The following DCDC1 variants were observed in gnomAD, a reference collection of about 807,000 sequenced individuals.
DCDC1 encodes doublecortin domain-containing protein 1.
In DCDC1, 200 loss-of-function variants were observed where a neutral mutation model predicts 178.3. The observed-to-expected ratio is 1.12, with a 90% CI of 1.00 to 1.26. DCDC1 has a LOEUF of 1.26. Among genes scored for constraint, DCDC1 ranks in the 50% most tolerant of loss-of-function variants. The pLI, the probability that DCDC1 is intolerant of heterozygous loss-of-function variation, is 0.00. For synonymous variants in DCDC1, 690 were observed against 604.8 expected (o/e 1.14, Z -2.07); for missense variants, 1,983 against 1,749.2 (o/e 1.13, Z -2.38).
chr11:31,113,164 A>T lies in DCDC1; in HGVS notation c.1486-2803T>A, dbSNP rs562263528. Among the ~76,000 whole-genome samples the T allele has an allele frequency of 3.3e-5, 5 of 152,330 alleles. No individual in the cohort carries two copies. In the East Asian group the frequency reaches 9.6e-4, roughly 29 times the overall value. On this transcript the variant is annotated intron_variant, in intron 11 of 38. Transcript: ENST00000684477. ...ACTTACACAGATTAAAAAAGCTGAC[A>T]CGTAGCAAAAACATTAAAAATTCAG...
At chr11:31,005,737 T>C (rs561091931) in intron 20 of DCDC1, among the ~76,000 whole-genome samples, 52 of 152,054 alleles carry the variant, frequency 3.4e-4, no homozygotes, top group Non-Finnish European at 6.3e-4. Context: ...CATCAGCCAA[T>C]GACAGTTTAT....
At chr11:30,899,679 T>C (rs1944514052) in intron 33 of DCDC1, 37 bp from the exon 34 acceptor site, 2 of 1,391,658 alleles carry the variant, frequency 1.4e-6, no homozygotes, top group Admixed American at 2.7e-5. Context: ...TTATCAACAG[T>C]AATTTATCAC....
chr11:31,029,670 C>T (rs1953489416), intron 20 of DCDC1, among the ~76,000 whole-genome samples: 1 of 152,054 alleles, frequency 6.6e-6, no homozygotes, highest in Admixed American at 6.6e-5. Context: ...TCTGTATTCA[C>T]ATCAAATCAA....
chr11:31,353,667 C>G (rs1407514196), intron 1 of DCDC1, among the ~76,000 whole-genome samples: 1 of 152,162 alleles, frequency 6.6e-6, no homozygotes, highest in East Asian at 1.9e-4. Flanking sequence ...TACTTCAAGT[C>G]TGATGTTCGA....
At chr11:31,087,817 T>C (rs1957571902) in intron 17 of DCDC1, among the ~76,000 whole-genome samples, 1 of 152,182 alleles carries the variant, frequency 6.6e-6, no homozygotes, top group Admixed American at 6.5e-5. Context: ...TGCATTTTTC[T>C]ATAAATATCA....
At position 31,090,896 on chromosome 11, in the gene DCDC1, C is replaced by T. The variant is rs144209808; in HGVS notation, c.2237+497G>A. ...TTTGAGACTCTTGGAGATAAATCAA[C>T]TTTCTTCCTCAATCTGCTTTCCTTT... On this transcript the variant is annotated intron_variant, in intron 17 of 38. Coordinates refer to ENST00000684477, the MANE Select transcript of DCDC1 (RefSeq NM_001387274.1). Among the ~76,000 whole-genome samples the T allele has an allele frequency of 2.6e-3, 390 of 152,162 alleles. 1 individual carries two copies. The highest frequency in any genetic ancestry group is 8.9e-3 in the African/African-American group (370 of 41,510).
At chr11:31,327,332 C>A (rs1375970762) in intron 3 of DCDC1, among the ~76,000 whole-genome samples, 1 of 151,942 alleles carries the variant, frequency 6.6e-6, no homozygotes, top group African/African-American at 2.4e-5. Context: ...CCAAGCCCTG[C>A]TAATTTTTTG....
intron 38 of DCDC1, among the ~76,000 whole-genome samples, chr11:30,873,811 A>G (rs549931375): frequency 1.3e-5 from 2 of 152,276 alleles, no homozygotes; most frequent in South Asian, 2.1e-4. Flanking sequence ...CCCACCCTCA[A>G]AAGTACTCCG....
intron 9 of DCDC1, among the ~76,000 whole-genome samples, chr11:31,231,202 A>G (rs547378029): frequency 6.6e-6 from 1 of 152,150 alleles, no homozygotes; most frequent in Admixed American, 6.5e-5. Context: ...GGCTTAAGCA[A>G]TCCCCCTGCC....
intron 28 of DCDC1, among the ~76,000 whole-genome samples, chr11:30,910,778 C>T (rs922647039): frequency 3.9e-5 from 6 of 152,150 alleles, no homozygotes; most frequent in Non-Finnish European, 7.4e-5. Context: ...AGCCAGACTT[C>T]TCTGGAGTCT....
intron 17 of DCDC1, among the ~76,000 whole-genome samples, chr11:31,083,341 G>T (rs1346560345): frequency 2.0e-5 from 3 of 152,118 alleles, no homozygotes. Context: ...TTTAAGAAAC[G>T]TACAGACTAA....
rs774054415 is a variant in DCDC1, at chr11:30,909,136, A to G, written c.3748-20T>C. The G allele has an allele frequency of 6.3e-7, 1 of 1,595,436 alleles. No homozygotes were observed. Among genetic ancestry groups the G allele is most frequent in the East Asian group, 2.3e-5 (1 of 44,444 alleles). ...ATATTTCTGAAAAAAGAGGCAAAAT[A>G]TGGAGTCAAGTGAGTTCATGTGAGG... On this transcript the variant is annotated intron_variant, in intron 28 of 38. Coordinates refer to ENST00000684477, the MANE Select transcript of DCDC1 (RefSeq NM_001387274.1).
intron 1 of DCDC1, among the ~76,000 whole-genome samples, chr11:31,365,981 T>G (rs1306157544): frequency 6.9e-6 from 1 of 145,628 alleles, no homozygotes; most frequent in Non-Finnish European, 1.6e-5. Context: ...ATATATCAAA[T>G]GTGCAACAAA....
chr11:30,953,189 GA>G (rs1430859339), intron 20 of DCDC1, among the ~76,000 whole-genome samples: 1 of 150,096 alleles, frequency 6.7e-6, no homozygotes, highest in East Asian at 1.9e-4. Context: ...TGACAAATGA[GA>G]AAATAAAATC....
Position 30,934,374 on chromosome 11 carries a change from G to A in DCDC1, c.2716-2422C>T, listed in dbSNP as rs184339169. 3.2e-4 allele frequency among the ~76,000 whole-genome samples: 49 copies of A among 152,224 alleles called. 1 individual carries two copies. The East Asian group carries it at 6.8e-3, about 21-fold the overall frequency. On this transcript the variant is annotated intron_variant, in intron 21 of 38. Transcript: ENST00000684477. ...CCAATTAGACTAAAGCACAAGTTCC[G>A]GTCCAATTGGATGGTAACAGGTTAT...
chr11:30,988,143 A>G (rs1950759818), intron 20 of DCDC1, among the ~76,000 whole-genome samples: 1 of 152,208 alleles, frequency 6.6e-6, no homozygotes, highest in African/African-American at 2.4e-5. Context: ...TCTGGTTTTC[A>G]TTTAAAAATA....
intron 29 of DCDC1, among the ~76,000 whole-genome samples, chr11:30,908,078 TG>T (rs1945199092): frequency 6.6e-6 from 1 of 152,148 alleles, no homozygotes; most frequent in African/African-American, 2.4e-5. Flanking sequence ...GAAATGTCTT[TG>T]GGGAATTTTT....
At position 30,878,544 on chromosome 11, in the gene DCDC1, CA is replaced by C; in HGVS notation, c.*39del. 1.9e-6 allele frequency: 3 copies of C among 1,562,956 alleles called. No individual in the cohort carries two copies. The highest frequency in any genetic ancestry group is 2.6e-6 in the Non-Finnish European group (3 of 1,159,122). ...CATGAGTATGTGCACATAGCTATAC[CA>C]GAAAAATACAGCAGAAAATCCGATG... is the stretch of plus-strand genomic sequence containing the variant. On this transcript the variant is annotated splice_region_variant and 3_prime_UTR_variant, in exon 38 of 39. Transcript: ENST00000684477.
chr11:31,315,374 G>GTGGTACAGTCTCGGCTCAC (rs552884993), intron 3 of DCDC1, among the ~76,000 whole-genome samples: 122 of 120,976 alleles, frequency 1.0e-3, no homozygotes, highest in South Asian at 5.7e-3. Flanking sequence ...CTGGAGTACA[G>GTGGTACAGTCTCGGCTCAC]TGGTACAGTC....
Sources: allele counts gnomAD v4.1 joint callset (sites outside exome capture counted in the v4.1 genomes callset), GRCh38; gene constraint gnomAD v4.1.1; transcripts MANE v1.5; gene names NCBI Gene and HGNC (gene_info 2026-07-23, HGNC 2026-07-21).